Variants in ZSCAN18 observed in about 807,000 individuals in gnomAD.
ZSCAN18 encodes the protein zinc finger and SCAN domain-containing protein 18.
Under a neutral mutation model 31.1 loss-of-function variants are expected in ZSCAN18, and 16 were observed. The observed-to-expected ratio is 0.51, with a 90% CI of 0.35 to 0.78. The LOEUF (loss-of-function observed/expected upper bound fraction) is 0.78. ZSCAN18 is among the 30% of genes least tolerant of loss of function. The pLI is 0.01. For synonymous variants in ZSCAN18, 375 were observed against 320.7 expected (o/e 1.17, Z -1.81); for missense variants, 731 against 697.4 (o/e 1.05, Z -0.54).
chr19:58,096,742 G>T (rs760266882), intron 1 of ZSCAN18, among the ~76,000 whole-genome samples: 11 of 152,224 alleles, frequency 7.2e-5, no homozygotes, highest in Non-Finnish European at 7.3e-5. Context: ...CATGGGATGT[G>T]GTTGTTGATG....
chr19:58,115,816 T>G (rs2074724712), intron 1 of ZSCAN18, among the ~76,000 whole-genome samples: 2 of 152,142 alleles, frequency 1.3e-5, no homozygotes, highest in African/African-American at 4.8e-5. Context: ...TGCATGCAAG[T>G]CATCATGTAC....
upstream of ZSCAN18, among the ~76,000 whole-genome samples, chr19:58,100,006 G>A (rs1299351033): frequency 1.4e-5 from 2 of 142,084 alleles, no homozygotes; most frequent in Non-Finnish European, 3.0e-5. Context: ...TGTCACTGAG[G>A]CTAGAGTGCA....
intron 1 of ZSCAN18, chr19:58,108,924 C>G (rs2074657128): frequency 9.5e-7 from 1 of 1,048,872 alleles, no homozygotes; most frequent in Non-Finnish European, 1.1e-6. Context: ...CATCATTTTC[C>G]TCAAGAATTT....
intron 1 of ZSCAN18, among the ~76,000 whole-genome samples, chr19:58,097,049 C>T (rs1046181138): frequency 6.6e-6 from 1 of 152,286 alleles, no homozygotes; most frequent in Non-Finnish European, 1.5e-5. Context: ...TGGTCCCGCT[C>T]TGACTCCAGG....
In ZSCAN18 at chr19:58,098,217, C is replaced by T. The variant is rs1231730926; in HGVS notation, c.-163G>A. On this transcript the variant is annotated 5_prime_UTR_variant, in exon 1 of 7. Transcript: ENST00000601144. ...AGGCCGGTCCCAGCCGCCCGGAGCC[C>T]CAGTGCGCGATGGCGGCCGGCAAAC... The T allele has an allele frequency of 2.0e-6, 2 of 985,392 alleles. No homozygotes were observed. Among genetic ancestry groups the T allele is most frequent in the Non-Finnish European group, 2.4e-6 (2 of 829,998 alleles). 61.0% of individuals were successfully genotyped at this position (985,392 alleles called of 1,614,324 possible). A position where few individuals can be genotyped will look rare whatever the true frequency, so the allele number is the denominator to read the frequency against.
intron 3 of ZSCAN18, chr19:58,087,649 GGTTT>G (rs1345227077): frequency 1.3e-5 from 6 of 459,888 alleles, no homozygotes; most frequent in African/African-American, 2.1e-5. Flanking sequence ...TTTTTTTTTT[GGTTT>G]GTTTGTTTTT....
At chr19:58,086,649 G>A in intron 5 of ZSCAN18, 3 of 505,650 alleles carry the variant, frequency 5.9e-6, no homozygotes, top group Admixed American at 3.7e-5. Flanking sequence ...GTGGCAATGT[G>A]GGCGCCTTGG....
upstream of ZSCAN18, among the ~76,000 whole-genome samples, chr19:58,102,078 T>C (rs536085104): frequency 2.6e-5 from 4 of 152,126 alleles, no homozygotes; most frequent in South Asian, 4.1e-4. Context: ...ACACGATTAC[T>C]GACCAAAAGG....
In ZSCAN18 at chr19:58,087,772, C is replaced by T. The variant is rs574297638; in HGVS notation, c.554-368G>A. ...AAGCAATCCTCCCACCTCAGCCTCC[C>T]AAGTAGCTGGGACTAAAAGTGCGGA... On this transcript the variant is annotated intron_variant, in intron 3 of 6. Transcript: ENST00000601144. 4.6e-4 allele frequency: 82 copies of T among 179,486 alleles called. No homozygotes were observed. The Middle Eastern group carries it at 8.2e-3, about 18-fold the overall frequency. 11.1% of individuals were successfully genotyped at this position (179,486 alleles called of 1,614,324 possible).
upstream of ZSCAN18, among the ~76,000 whole-genome samples, chr19:58,102,612 T>G (rs1354831515): frequency 6.6e-6 from 1 of 152,200 alleles, no homozygotes; most frequent in Admixed American, 6.5e-5. Flanking sequence ...ACAATGATTA[T>G]TCAGCAAGGT....
chr19:58,089,406 T>A (rs1300481831), intron 2 of ZSCAN18, among the ~76,000 whole-genome samples: 3 of 143,420 alleles, frequency 2.1e-5, no homozygotes, highest in East Asian at 4.6e-4. Context: ...GGCGGGCAGA[T>A]CACGAGGTCA....
chr19:58,109,507 G>GC (rs1330011918), intron 1 of ZSCAN18, among the ~76,000 whole-genome samples: 1 of 152,136 alleles, frequency 6.6e-6, no homozygotes, highest in Non-Finnish European at 1.5e-5. Context: ...CTTTCTAATA[G>GC]CCCGAGACTA....
chr19:58,097,916 C>T, intron 1 of ZSCAN18: 1 of 983,576 alleles, frequency 1.0e-6, no homozygotes, highest in Non-Finnish European at 1.2e-6. Flanking sequence ...GTGGGGGTTG[C>T]ACTAGTTCCC....
intron 1 of ZSCAN18, among the ~76,000 whole-genome samples, chr19:58,096,065 G>A (rs946088684): frequency 1.3e-5 from 2 of 152,124 alleles, no homozygotes; most frequent in Non-Finnish European, 2.9e-5. Flanking sequence ...CTGTCAAGAG[G>A]ACTCTCAGAG....
chr19:58,084,642 C>G lies in ZSCAN18; in HGVS notation c.*43G>C, dbSNP rs745750512. 9 of 1,428,500 alleles carry G rather than the reference C, an allele frequency of 6.3e-6. No homozygotes were observed. Among genetic ancestry groups the G allele is most frequent in the Non-Finnish European group, 7.3e-6 (8 of 1,094,406 alleles). The allele number at this position is 1,428,500 out of a possible 1,614,324, so 88.5% of individuals were successfully genotyped here. A position where few individuals can be genotyped will look rare whatever the true frequency, so the allele number is the denominator to read the frequency against. ...GGCCCAATGCCTCGTCTGGGATTCA[C>G]GGCCGGCAAAGCGGCCCCTCCGGAA... On this transcript the variant is annotated 3_prime_UTR_variant, in exon 7 of 7. Transcript: ENST00000601144. This position sits in a 1 kb window ranked among gnomAD's most constrained non-coding sequence, Gnocchi z 4.5.
At chr19:58,117,951 G>A (rs1249741131) in intron 1 of ZSCAN18, among the ~76,000 whole-genome samples, 2 of 152,266 alleles carry the variant, frequency 1.3e-5, no homozygotes, top group Non-Finnish European at 2.9e-5. Context: ...CACGCCCAAC[G>A]AAGAGGAGGG....
In ZSCAN18 at chr19:58,084,547, A is replaced by C; in HGVS notation, c.*138T>G. 1.2e-6 allele frequency: 1 copy of C among 836,024 alleles called. No homozygotes were observed. The highest frequency in any genetic ancestry group is 1.7e-6 in the Non-Finnish European group (1 of 582,820). The allele number at this position is 836,024 out of a possible 1,614,324, so 51.8% of individuals were successfully genotyped here. A position where few individuals can be genotyped will look rare whatever the true frequency, so the allele number is the denominator to read the frequency against. ...CTCGTTGGGAGCGCTTAGCCTCAGG[A>C]GCGGATTCAGGGCACAGGCAGAGGA... On this transcript the variant is annotated 3_prime_UTR_variant, in exon 7 of 7. Transcript: ENST00000601144. This position sits in a 1 kb window ranked among gnomAD's most constrained non-coding sequence, Gnocchi z 4.5.
chr19:58,091,952 G>C (rs569734286), intron 1 of ZSCAN18, among the ~76,000 whole-genome samples: 1 of 152,084 alleles, frequency 6.6e-6, no homozygotes, highest in Non-Finnish European at 1.5e-5. Flanking sequence ...TTCTCAGGTC[G>C]TCAAGTTCTG....
intron 1 of ZSCAN18, among the ~76,000 whole-genome samples, chr19:58,094,736 G>C (rs2074487198): frequency 6.6e-6 from 1 of 151,898 alleles, no homozygotes; most frequent in South Asian, 2.1e-4. Flanking sequence ...AAATTAGCTA[G>C]GCACAGTGGT....
Sources: allele counts gnomAD v4.1 joint callset (sites outside exome capture counted in the v4.1 genomes callset), GRCh38; gene constraint gnomAD v4.1.1; non-coding constraint Gnocchi (gnomAD v3.1); transcripts MANE v1.5; gene names NCBI Gene and HGNC (gene_info 2026-07-23, HGNC 2026-07-21).